The following WWOX variants were observed in gnomAD, a reference collection of about 807,000 sequenced individuals.
The protein encoded by WWOX is WW domain containing oxidoreductase.
WWOX carries 69 observed loss-of-function variants against 46.2 expected under a neutral mutation model. That is an observed-to-expected ratio of 1.49 (90% confidence interval 1.23 to 1.82). The LOEUF is 1.82. Among genes scored for constraint, WWOX ranks in the 40% most tolerant of loss-of-function variants. The pLI is 0.00. For synonymous variants in WWOX, 359 were observed against 202.6 expected, an observed-to-expected ratio of 1.77 and a Z score of -6.56; for missense variants, 919 against 542.6, an observed-to-expected ratio of 1.69 and a Z score of -6.89.
chr16:78,418,460 C>T (rs1483819682), intron 6 of WWOX, among the ~76,000 whole-genome samples: 2 of 151,886 alleles, frequency 1.3e-5, no homozygotes, highest in African/African-American at 4.8e-5. Context: ...CACTGTGAAG[C>T]CACTATTACT....
intron 5 of WWOX, among the ~76,000 whole-genome samples, chr16:78,372,348 C>T (rs1375146181): frequency 1.3e-5 from 2 of 152,118 alleles, no homozygotes; most frequent in East Asian, 1.9e-4. Context: ...AAAGGCAGCC[C>T]ATTCATGCCG....
intron 8 of WWOX, among the ~76,000 whole-genome samples, chr16:78,974,727 C>T (rs1260720656): frequency 6.6e-6 from 1 of 152,170 alleles, no homozygotes; most frequent in African/African-American, 2.4e-5. Context: ...TGCCAAACCC[C>T]AAGACCCACA....
At chr16:79,141,995 A>C (rs924742547) in intron 8 of WWOX, among the ~76,000 whole-genome samples, 1 of 152,224 alleles carries the variant, frequency 6.6e-6, no homozygotes, top group Non-Finnish European at 1.5e-5. Context: ...GTGTTCTCCA[A>C]ACTGCTCAGA....
chr16:78,992,014 T>A (rs559573940), intron 8 of WWOX, among the ~76,000 whole-genome samples: 1 of 152,322 alleles, frequency 6.6e-6, no homozygotes, highest in Admixed American at 6.5e-5. Flanking sequence ...CTGAAGGATC[T>A]TCTCCCTCTC....
chr16:78,958,443 C>T (rs907426746), intron 8 of WWOX, among the ~76,000 whole-genome samples: 5 of 152,196 alleles, frequency 3.3e-5, no homozygotes, highest in African/African-American at 1.2e-4. Flanking sequence ...TTTGCACTTT[C>T]AAAGTACTCT....
intron 8 of WWOX, among the ~76,000 whole-genome samples, chr16:78,790,760 C>T (rs573991079): frequency 9.2e-5 from 14 of 152,204 alleles, no homozygotes; most frequent in South Asian, 8.3e-4. Flanking sequence ...TGACTCATGC[C>T]TGTAACCCTA....
chr16:78,513,116 A>G (rs1480221302), intron 8 of WWOX, among the ~76,000 whole-genome samples: 3 of 152,220 alleles, frequency 2.0e-5, no homozygotes, highest in East Asian at 1.9e-4. Flanking sequence ...TTGTATTTTC[A>G]TTCTCTCCGT....
intron 8 of WWOX, among the ~76,000 whole-genome samples, chr16:78,941,040 A>T (rs528009082): frequency 2.5e-4 from 38 of 152,002 alleles, no homozygotes; most frequent in Admixed American, 1.7e-3. Context: ...GACCAGAAAG[A>T]CTCACAGCCA....
intron 8 of WWOX, among the ~76,000 whole-genome samples, chr16:78,950,385 C>G (rs1035911983): frequency 6.6e-6 from 1 of 152,014 alleles, no homozygotes; most frequent in Non-Finnish European, 1.5e-5. Flanking sequence ...TGGTGGCATG[C>G]CATTGTTCTG....
chr16:78,975,019 A>G (rs2046543702), intron 8 of WWOX, among the ~76,000 whole-genome samples: 1 of 152,026 alleles, frequency 6.6e-6, no homozygotes, highest in African/African-American at 2.4e-5. Flanking sequence ...TCCTGGTGAG[A>G]CCGTTGTTGG....
At chr16:78,996,376 A>AC (rs1338159064) in intron 8 of WWOX, 44,976 of 451,760 alleles carry the variant, frequency 0.1, 128 homozygotes, top group South Asian at 0.13. Flanking sequence ...TTCTGCACCC[A>AC]CCCCCGCCCC....
intron 8 of WWOX, among the ~76,000 whole-genome samples, chr16:79,140,290 C>A (rs892437260): frequency 6.6e-5 from 10 of 152,262 alleles, no homozygotes; most frequent in South Asian, 2.1e-4. Context: ...GTGGTGTGGC[C>A]GATTTCTTGG....
intron 8 of WWOX, among the ~76,000 whole-genome samples, chr16:79,051,729 T>G (rs2048171315): frequency 6.6e-6 from 1 of 152,220 alleles, no homozygotes; most frequent in African/African-American, 2.4e-5. Context: ...TGAAAGAATT[T>G]CCTCCCCATC....
At chr16:79,179,642 C>T (rs1390256288) in intron 8 of WWOX, among the ~76,000 whole-genome samples, 1 of 152,188 alleles carries the variant, frequency 6.6e-6, no homozygotes, top group East Asian at 1.9e-4. Flanking sequence ...GCTTCCCTTC[C>T]ATTGTATTTG....
At chr16:78,233,421 G>C (rs1376650639) in intron 5 of WWOX, among the ~76,000 whole-genome samples, 2 of 151,982 alleles carry the variant, frequency 1.3e-5, no homozygotes, top group African/African-American at 2.4e-5. Context: ...TTAACGTGCT[G>C]TGGTGGCCTA....
At chr16:78,459,545 T>A (rs1223279405) in intron 8 of WWOX, among the ~76,000 whole-genome samples, 3 of 152,202 alleles carry the variant, frequency 2.0e-5, no homozygotes, top group Admixed American at 1.3e-4. Context: ...TCTGTGCACA[T>A]GAATATTTGT....
intron 8 of WWOX, chr16:78,895,984 C>T (rs935478702): frequency 1.3e-5 from 2 of 152,124 alleles, no homozygotes; most frequent in Non-Finnish European, 2.9e-5. Context: ...TACTCAATTC[C>T]ACTGTCTTTT....
chr16:78,513,431 T>C (rs1338009994), intron 8 of WWOX, among the ~76,000 whole-genome samples: 2 of 152,192 alleles, frequency 1.3e-5, no homozygotes, highest in Non-Finnish European at 2.9e-5. Context: ...TAGGAATCAC[T>C]GGAAAATGAC....
At chr16:78,377,642 CA>C (rs2081861717) in intron 5 of WWOX, among the ~76,000 whole-genome samples, 1 of 152,184 alleles carries the variant, frequency 6.6e-6, no homozygotes, top group Non-Finnish European at 1.5e-5. Flanking sequence ...TTTTAAGCTG[CA>C]AAGTGAATAT....
Sources: gnomAD v4.1 joint callset for allele counts (sites outside exome capture counted in the v4.1 genomes callset) on GRCh38, gnomAD v4.1.1 for gene constraint, MANE v1.5 for transcripts, NCBI Gene and HGNC (gene_info 2026-07-23, HGNC 2026-07-21) for gene names.